Variants in HSD17B2 observed in about 807,000 individuals in gnomAD.
HSD17B2 encodes hydroxysteroid 17-beta dehydrogenase 2, also known as 17-beta-hydroxysteroid dehydrogenase type 2.
Under a neutral mutation model 26.9 loss-of-function variants are expected in HSD17B2, and 32 were observed. That is an observed-to-expected ratio of 1.19 (90% CI 0.90 to 1.60). The LOEUF (loss-of-function observed/expected upper bound fraction) is 1.60. HSD17B2 is among the 40% of genes most tolerant of loss of function. The probability of loss-of-function intolerance (pLI) is 0.00; values close to 1 mark genes in which losing one functional copy is unlikely to be tolerated. For synonymous variants in HSD17B2, 246 were observed against 186.7 expected, an observed-to-expected ratio of 1.32 and a Z score of -2.59; for missense variants, 613 against 468.6, an observed-to-expected ratio of 1.31 and a Z score of -2.85.
chr16:82,050,418 C>A (rs543643937), intron 1 of HSD17B2, among the ~76,000 whole-genome samples: 1 of 152,226 alleles, frequency 6.6e-6, no homozygotes, highest in African/African-American at 2.4e-5. Flanking sequence ...CTCGTCACCT[C>A]CCCTGCTTCT....
At chr16:82,085,467 G>A (rs746560594) in intron 3 of HSD17B2, among the ~76,000 whole-genome samples, 16 of 152,130 alleles carry the variant, frequency 1.1e-4, no homozygotes, top group Admixed American at 3.3e-4. Context: ...TTGTGTAACT[G>A]GTAAGTGATA....
chr16:82,041,130 C>T (rs1362124314), intron 1 of HSD17B2, among the ~76,000 whole-genome samples: 1 of 152,206 alleles, frequency 6.6e-6, no homozygotes, highest in Non-Finnish European at 1.5e-5. Flanking sequence ...AGTATTCTGA[C>T]TGCATGGAAA....
At chr16:82,048,422 G>C (rs1479038179) in intron 1 of HSD17B2, among the ~76,000 whole-genome samples, 1 of 152,200 alleles carries the variant, frequency 6.6e-6, no homozygotes, top group East Asian at 1.9e-4. Context: ...AGGAGTCCCA[G>C]TGCAAAGGCA....
At chr16:82,054,922 T>C (rs773939839) in intron 1 of HSD17B2, among the ~76,000 whole-genome samples, 5 of 152,270 alleles carry the variant, frequency 3.3e-5, no homozygotes, top group Admixed American at 6.5e-5. Flanking sequence ...GTCTTCCCCA[T>C]GGCTGAAAGC....
chr16:82,090,800 C>A, intron 3 of HSD17B2, 102 bp from the exon 4 acceptor site: 1 of 1,161,710 alleles, frequency 8.6e-7, no homozygotes, highest in South Asian at 1.6e-5. Flanking sequence ...GCCCAAGTCA[C>A]TGATACCAGT....
intron 3 of HSD17B2, among the ~76,000 whole-genome samples, chr16:82,079,036 T>G (rs1904321524): frequency 6.6e-6 from 1 of 152,230 alleles, no homozygotes; most frequent in African/African-American, 2.4e-5. Flanking sequence ...ATAAATGGAT[T>G]GTGTGCAACA....
In HSD17B2 at chr16:82,090,960, G is replaced by T; in HGVS notation, c.723G>T (p.Met241Ile). 8 of 1,613,976 alleles carry T rather than the reference G, an allele frequency of 5.0e-6. No individual in the cohort carries two copies. The highest frequency in any genetic ancestry group is 6.8e-6 in the Non-Finnish European group (8 of 1,179,850). The change falls in exon 4 of 5, where the codon ATG (methionine) becomes ATT (isoleucine). Residue 241 changes from methionine (M) to isoleucine (I), a missense_variant. Met to Ile is a conservative substitution (Grantham distance 10). Transcript: ENST00000199936. ...GCTCATCAAAGGCGGCTGTGACCAT[G>T]TTCTCATCAGTTATGAGACTGGAGC... ...SYGSSKAAVT[M>I]FSSVMRLELS...
At chr16:82,068,505 T>G in intron 2 of HSD17B2, 123 bp downstream of exon 2, 3 of 758,004 alleles carry the variant, frequency 4.0e-6, no homozygotes, top group Non-Finnish European at 6.4e-6. Context: ...AGCACACCTG[T>G]GCTGAACCCC....
At chr16:82,043,684 CAAAAAAAAAAAAAAAA>C (rs398030034) in intron 1 of HSD17B2, among the ~76,000 whole-genome samples, 2 of 22,540 alleles carry the variant, frequency 8.9e-5, no homozygotes, top group Non-Finnish European at 1.3e-4. Flanking sequence ...AACTCTGTCT[CAAAAAAAAAAAAAAAA>C]AAAAAAAAAA....
At position 82,060,771 on chromosome 16, in the gene HSD17B2, T is replaced by C. The variant is rs8191114; in HGVS notation, c.266-7399T>C. Among the ~76,000 whole-genome samples, 354 of 152,260 alleles carry C rather than the reference T, an allele frequency of 2.3e-3. 2 individuals are homozygous for C. Among genetic ancestry groups the C allele is most frequent in the African/African-American group, 8.3e-3 (343 of 41,546 alleles). ...AAGCTGCTGGTAGTTGAAGACATCA[T>C]TGGCAAAGGGAGCACTCGGAGGAGC... On this transcript the variant is annotated intron_variant, in intron 1 of 4. Coordinates refer to ENST00000199936, the MANE Select transcript of HSD17B2 (RefSeq NM_002153.3).
intron 1 of HSD17B2, among the ~76,000 whole-genome samples, chr16:82,048,470 G>C (rs1914004483): frequency 6.6e-6 from 1 of 152,172 alleles, no homozygotes; most frequent in Admixed American, 6.5e-5. Context: ...CTGAAAATTT[G>C]AGAATTTTGG....
At chr16:82,074,828 A>G (rs1009082378) in intron 3 of HSD17B2, among the ~76,000 whole-genome samples, 2 of 152,178 alleles carry the variant, frequency 1.3e-5, no homozygotes, top group African/African-American at 4.8e-5. Flanking sequence ...ATCAAACTTA[A>G]TCTGCACTAT....
intron 3 of HSD17B2, among the ~76,000 whole-genome samples, chr16:82,088,987 T>C (rs1232602827): frequency 6.6e-6 from 1 of 152,132 alleles, no homozygotes; most frequent in African/African-American, 2.4e-5. Context: ...TGTCTCTTCT[T>C]AAAAGGGCAC....
intron 1 of HSD17B2, among the ~76,000 whole-genome samples, chr16:82,051,782 C>G (rs546323585): frequency 6.6e-6 from 1 of 152,218 alleles, no homozygotes. Context: ...TTAGTTGCAG[C>G]TTCTCAGCTC....
intron 1 of HSD17B2, chr16:82,044,343 A>C (rs1913852877): frequency 6.6e-6 from 1 of 152,230 alleles, no homozygotes; most frequent in Non-Finnish European, 1.5e-5. Context: ...GGCTTAAGAC[A>C]TCAGCTTTAT....
chr16:82,038,150 G>A (rs1316737580), intron 1 of HSD17B2, among the ~76,000 whole-genome samples: 1 of 152,094 alleles, frequency 6.6e-6, no homozygotes, highest in African/African-American at 2.4e-5. Flanking sequence ...TTAAAAAAAT[G>A]ACTTTTTTCT....
intron 3 of HSD17B2, among the ~76,000 whole-genome samples, chr16:82,079,086 C>T (rs1406700711): frequency 1.3e-5 from 2 of 152,114 alleles, no homozygotes; most frequent in African/African-American, 4.8e-5. Context: ...CTCCATTTGC[C>T]CTGATGTGAT....
chr16:82,074,317 A>G (rs1914764547), intron 3 of HSD17B2, among the ~76,000 whole-genome samples: 1 of 152,224 alleles, frequency 6.6e-6, no homozygotes, highest in South Asian at 2.1e-4. Flanking sequence ...TTGAATCTTC[A>G]TGTCCTGGAG....
At chr16:82,048,875 A>G (rs564851176) in intron 1 of HSD17B2, among the ~76,000 whole-genome samples, 35 of 152,352 alleles carry the variant, frequency 2.3e-4, no homozygotes, top group African/African-American at 8.4e-4. Context: ...AAATGAAATG[A>G]GCATGCCAAA....
Sources: allele counts gnomAD v4.1 joint callset (sites outside exome capture counted in the v4.1 genomes callset), GRCh38; gene constraint gnomAD v4.1.1; transcripts MANE v1.5; gene names NCBI Gene and HGNC (gene_info 2026-07-23, HGNC 2026-07-21).